ATRNL1: variants seen among roughly 807,000 people sequenced by gnomAD.
ATRNL1 encodes attractin like 1.
In ATRNL1, 95 loss-of-function variants were observed where a neutral mutation model predicts 182.7. That is an observed-to-expected ratio of 0.52 (90% confidence interval 0.44 to 0.62). The LOEUF (loss-of-function observed/expected upper bound fraction) is 0.62. Among genes scored for constraint, ATRNL1 ranks in the 20% least tolerant of loss-of-function variants. The pLI, the probability that ATRNL1 is intolerant of heterozygous loss-of-function variation, is 0.00. For synonymous variants in ATRNL1, 576 were observed against 568.3 expected, an observed-to-expected ratio of 1.01 and a Z score of -0.19; for missense variants, 1,471 against 1,679.5, an observed-to-expected ratio of 0.88 and a Z score of 2.17.
intron 25 of ATRNL1, among the ~76,000 whole-genome samples, chr10:115,521,373 G>A (rs557792721): frequency 6.6e-6 from 1 of 151,988 alleles, no homozygotes; most frequent in African/African-American, 2.4e-5. Flanking sequence ...GGGTGGTCTC[G>A]ATCTCCTGAC....
In ATRNL1 at chr10:115,322,595, T is replaced by C. The variant is rs569092548; in HGVS notation, c.3037+6859T>C. 9.9e-5 allele frequency among the ~76,000 whole-genome samples: 15 copies of C among 152,242 alleles called. No homozygotes were observed. The East Asian group carries it at 2.9e-3, about 29-fold the overall frequency. On this transcript the variant is annotated intron_variant, in intron 18 of 28. Coordinates refer to ENST00000355044, the MANE Select transcript of ATRNL1 (RefSeq NM_207303.4). ...TATTACACAGTAATTACCAGTACTG[T>C]TTTTCTTTTTGCATGGAGTTGAACT...
chr10:115,281,335 A>G lies in ATRNL1; in HGVS notation c.2101-20A>G, dbSNP rs782820487. The G allele has an allele frequency of 4.4e-6, 7 of 1,603,954 alleles. No individual in the cohort carries two copies. The highest frequency in any genetic ancestry group is 2.2e-5 in the South Asian group (2 of 89,180). On this transcript the variant is annotated intron_variant, in intron 13 of 28. Transcript: ENST00000355044. Reference sequence around the variant, plus strand: ...TTGCTGTACAAAGGTGAAAAATAACATGCTCTTTTAATTTTGTAGTCTGTC... The same window carrying G: ...TTGCTGTACAAAGGTGAAAAATAACGTGCTCTTTTAATTTTGTAGTCTGTC...
chr10:115,653,161 T>C (rs1860118579), intron 26 of ATRNL1, among the ~76,000 whole-genome samples: 1 of 152,262 alleles, frequency 6.6e-6, no homozygotes, highest in African/African-American at 2.4e-5. Flanking sequence ...CACATGCTTT[T>C]ATTTTTAAGC....
At chr10:115,881,115 G>A (rs1951817673) in intron 28 of ATRNL1, among the ~76,000 whole-genome samples, 1 of 152,164 alleles carries the variant, frequency 6.6e-6, no homozygotes, top group Admixed American at 6.5e-5. Flanking sequence ...CTCTATGAAG[G>A]GCTTTCCCTG....
chr10:115,632,863 C>CA (rs1565231182), intron 26 of ATRNL1, among the ~76,000 whole-genome samples: 52 of 79,422 alleles, frequency 6.5e-4, no homozygotes, highest in African/African-American at 2.0e-3. Context: ...CTCACATTAA[C>CA]TTTTTATTTT....
intron 9 of ATRNL1, among the ~76,000 whole-genome samples, chr10:115,219,268 G>A (rs116521207): frequency 0.012 from 1,769 of 151,696 alleles, 32 homozygotes; most frequent in African/African-American, 0.039. Flanking sequence ...GATGACGTGT[G>A]TGCTTTGCAC....
intron 19 of ATRNL1, among the ~76,000 whole-genome samples, chr10:115,394,374 C>T (rs1844184019): frequency 6.6e-6 from 1 of 151,774 alleles, no homozygotes; most frequent in African/African-American, 2.4e-5. Flanking sequence ...AGAAATATAC[C>T]AAAGTGAAAA....
intron 24 of ATRNL1, among the ~76,000 whole-genome samples, chr10:115,490,167 T>C (rs118083464): frequency 0.033 from 4,963 of 152,200 alleles, 211 homozygotes; most frequent in East Asian, 0.14. Flanking sequence ...TTTTTTTCCT[T>C]CATTTGAACA....
At chr10:115,584,888 T>C (rs1555009307) in intron 26 of ATRNL1, among the ~76,000 whole-genome samples, 1 of 150,938 alleles carries the variant, frequency 6.6e-6, no homozygotes, top group African/African-American at 2.4e-5. Context: ...GGGCATTTAG[T>C]GCTATAAATT....
At chr10:115,566,088 CT>C (rs1356406835) in intron 26 of ATRNL1, among the ~76,000 whole-genome samples, 2 of 152,046 alleles carry the variant, frequency 1.3e-5, no homozygotes, top group African/African-American at 4.8e-5. Context: ...CTATAGTTTT[CT>C]TTTTTTCATT....
At chr10:115,664,552 G>C in intron 26 of ATRNL1, among the ~76,000 whole-genome samples, 1 of 151,922 alleles carries the variant, frequency 6.6e-6, no homozygotes, top group East Asian at 1.9e-4. Context: ...ATACCACTTT[G>C]AAACAATTAA....
At chr10:115,429,618 G>T (rs535220513) in intron 21 of ATRNL1, among the ~76,000 whole-genome samples, 196 of 152,058 alleles carry the variant, frequency 1.3e-3, no homozygotes, top group African/African-American at 4.6e-3. Context: ...TTCATTCTGG[G>T]CTAAACCATA....
intron 8 of ATRNL1, among the ~76,000 whole-genome samples, chr10:115,176,366 T>TG (rs1210719155): frequency 1.3e-5 from 2 of 152,174 alleles, no homozygotes; most frequent in African/African-American, 4.8e-5. Context: ...GTTTTAGACA[T>TG]GAAGTCCTTG....
rs187486585 is a variant in ATRNL1 at position 115,243,174 on chromosome 10, T to G, written c.1687+1449T>G. Among the ~76,000 whole-genome samples the G allele has an allele frequency of 3.0e-3, 461 of 152,246 alleles. 4 individuals carry two copies. Among genetic ancestry groups the G allele is most frequent in the Middle Eastern group, 0.027 (8 of 294 alleles). ...AATTTTGAACTTTTGCAAAAGGTTC[T>G]TCAAGGAGCTTCCACACAATGTCTG... On this transcript the variant is annotated intron_variant, in intron 10 of 28. Transcript: ENST00000355044.
intron 27 of ATRNL1, among the ~76,000 whole-genome samples, chr10:115,824,415 A>G (rs550079597): frequency 6.6e-6 from 1 of 152,330 alleles, no homozygotes; most frequent in Non-Finnish European, 1.5e-5. Context: ...AACAAAAACC[A>G]AAACTGGAAA....
intron 19 of ATRNL1, among the ~76,000 whole-genome samples, chr10:115,394,431 A>G (rs1844186557): frequency 6.6e-6 from 1 of 152,004 alleles, no homozygotes; most frequent in South Asian, 2.1e-4. Context: ...TATCCACAGT[A>G]GACTTCAGGA....
chr10:115,273,377 CTT>C (rs1851959006), intron 13 of ATRNL1, among the ~76,000 whole-genome samples: 1 of 152,172 alleles, frequency 6.6e-6, no homozygotes, highest in Admixed American at 6.5e-5. Flanking sequence ...ATACAAGTAT[CTT>C]CACTTATTTG....
chr10:115,408,161 G>T (rs985357244), intron 20 of ATRNL1, among the ~76,000 whole-genome samples: 3 of 150,912 alleles, frequency 2.0e-5, no homozygotes, highest in Non-Finnish European at 4.4e-5. Flanking sequence ...CCGCCACCGC[G>T]CCCGGCTAAT....
intron 13 of ATRNL1, among the ~76,000 whole-genome samples, chr10:115,275,992 T>A (rs950104373): frequency 7.2e-5 from 11 of 152,174 alleles, no homozygotes; most frequent in Non-Finnish European, 1.6e-4. Context: ...TGAGCCCATA[T>A]CAATAAATTT....
Sources: gnomAD v4.1 joint callset for allele counts (sites outside exome capture counted in the v4.1 genomes callset) on GRCh38, gnomAD v4.1.1 for gene constraint, MANE v1.5 for transcripts, NCBI Gene and HGNC (gene_info 2026-07-23, HGNC 2026-07-21) for gene names.